Variants in RBM19 observed in about 807,000 individuals in gnomAD.
The protein encoded by RBM19 is probable RNA-binding protein 19.
A neutral mutation model predicts 116.8 loss-of-function variants in RBM19; 94 were observed. That is an observed-to-expected ratio of 0.80 (90% CI 0.68 to 0.95). The LOEUF (loss-of-function observed/expected upper bound fraction) is 0.95, where lower values mean the gene tolerates loss of function less well. RBM19 is among the 40% of genes least tolerant of loss of function. RBM19 has a pLI of 0.00. For missense variants in RBM19, 1,161 were observed against 1,220.7 expected, an observed-to-expected ratio of 0.95 and a Z score of 0.73; for synonymous variants, 475 against 494.1, an observed-to-expected ratio of 0.96 and a Z score of 0.51.
downstream of RBM19, chr12:113,818,027 G>A (rs7976906): frequency 9.4e-3 from 1,426 of 151,752 alleles, 25 homozygotes; most frequent in African/African-American, 0.033. Flanking sequence ...TCAGGAATTC[G>A]AGACCAGCCT....
intron 18 of RBM19, 56 bp downstream of exon 18, chr12:113,924,641 G>A (rs557343893): frequency 1.4e-6 from 2 of 1,446,450 alleles, no homozygotes; most frequent in East Asian, 4.5e-5. Context: ...AGCTTCTTTT[G>A]GAATCCACTC....
At chr12:113,842,395 G>A (rs553885937) in intron 23 of RBM19, among the ~76,000 whole-genome samples, 120 of 152,348 alleles carry the variant, frequency 7.9e-4, no homozygotes, top group African/African-American at 2.8e-3. Context: ...AATGGTTGTC[G>A]ATAAGGACAG....
chr12:113,833,330 C>T (rs1372830298), intron 23 of RBM19, among the ~76,000 whole-genome samples: 4 of 151,970 alleles, frequency 2.6e-5, no homozygotes, highest in African/African-American at 9.6e-5. Flanking sequence ...ACAGCCTCTG[C>T]TCCATGGCCC....
chr12:113,937,646 T>G (rs916794142), intron 15 of RBM19, among the ~76,000 whole-genome samples: 3 of 151,816 alleles, frequency 2.0e-5, no homozygotes, highest in Admixed American at 1.3e-4. Context: ...CACACACCTG[T>G]AGTCCTAGCT....
chr12:113,889,363 G>A (rs1880777124), intron 21 of RBM19, among the ~76,000 whole-genome samples: 1 of 152,170 alleles, frequency 6.6e-6, no homozygotes, highest in Non-Finnish European at 1.5e-5. Flanking sequence ...CACAGGCAAG[G>A]AGAACCCACA....
At chr12:113,842,109 G>T (rs1876538665) in intron 23 of RBM19, among the ~76,000 whole-genome samples, 1 of 152,202 alleles carries the variant, frequency 6.6e-6, no homozygotes, top group Admixed American at 6.5e-5. Context: ...CCCTGTCTGG[G>T]CCTTGGCCTG....
At chr12:113,871,873 GC>G (rs1879232256) in intron 21 of RBM19, among the ~76,000 whole-genome samples, 1 of 152,044 alleles carries the variant, frequency 6.6e-6, no homozygotes, top group South Asian at 2.1e-4. Flanking sequence ...GCCCCGCGGG[GC>G]CGGAGGGCAA....
At chr12:113,899,802 C>A (rs1304302683) in intron 21 of RBM19, among the ~76,000 whole-genome samples, 2 of 152,162 alleles carry the variant, frequency 1.3e-5, no homozygotes, top group African/African-American at 4.8e-5. Flanking sequence ...GGGCTCCCTG[C>A]TGCCTTTCAC....
chr12:113,849,314 C>T (rs867018419), intron 22 of RBM19, among the ~76,000 whole-genome samples: 2 of 152,356 alleles, frequency 1.3e-5, no homozygotes, highest in Middle Eastern at 3.4e-3. Flanking sequence ...AGTCAATGTT[C>T]ACAAAGCACA....
At chr12:113,945,064 C>T (rs1194518476) in intron 13 of RBM19, among the ~76,000 whole-genome samples, 1 of 152,088 alleles carries the variant, frequency 6.6e-6, no homozygotes, top group African/African-American at 2.4e-5. Context: ...CTAGAGTTAA[C>T]ATTGGAGATT....
At chr12:113,856,782 C>T (rs1877938974) in intron 22 of RBM19, among the ~76,000 whole-genome samples, 1 of 152,204 alleles carries the variant, frequency 6.6e-6, no homozygotes, top group Admixed American at 6.5e-5. Context: ...CTCCTCATCA[C>T]AGCCAATAGC....
chr12:113,954,216 G>A (rs1014145604), intron 7 of RBM19, among the ~76,000 whole-genome samples: 2 of 152,074 alleles, frequency 1.3e-5, no homozygotes, highest in Non-Finnish European at 2.9e-5. Flanking sequence ...AGACAAAAAC[G>A]TCCAAGAAGA....
In RBM19 at chr12:113,871,470, A is replaced by T. The variant is rs1306610653; in HGVS notation, c.2559-12574T>A. Among the ~76,000 whole-genome samples, 3 of 119,498 alleles carry T rather than the reference A, an allele frequency of 2.5e-5. No homozygotes were observed. In the East Asian group the frequency reaches 7.6e-4, roughly 30 times the overall value. 78.4% of individuals were successfully genotyped at this position (119,498 alleles called of 152,430 possible). A position where few individuals can be genotyped will look rare whatever the true frequency, so the allele number is the denominator to read the frequency against. On this transcript the variant is annotated intron_variant, in intron 21 of 23. Coordinates refer to ENST00000261741, the MANE Select transcript of RBM19 (RefSeq NM_016196.4). The stretch of plus-strand genomic sequence containing the variant: ...ACACATTTTTTCTATAAAGGGTCAG[A>T]CAGTCAATAATTTTAGCTTTGCGAC...
At chr12:113,835,357 G>T (rs945462715) in intron 23 of RBM19, among the ~76,000 whole-genome samples, 2 of 152,188 alleles carry the variant, frequency 1.3e-5, no homozygotes, top group Non-Finnish European at 2.9e-5. Context: ...AAAGGGCCTT[G>T]TACCCCCGCA....
At chr12:113,865,239 C>T (rs1350869070) in intron 21 of RBM19, among the ~76,000 whole-genome samples, 2 of 152,164 alleles carry the variant, frequency 1.3e-5, no homozygotes, top group Admixed American at 6.5e-5. Context: ...AGGGCCTTTG[C>T]ACTTGCTTTT....
intron 21 of RBM19, among the ~76,000 whole-genome samples, chr12:113,895,949 T>C (rs1881292776): frequency 6.6e-6 from 1 of 151,856 alleles, no homozygotes. Flanking sequence ...CAAATATACA[T>C]GTACATATCT....
intron 23 of RBM19, among the ~76,000 whole-genome samples, chr12:113,839,246 A>G (rs1045994645): frequency 3.9e-5 from 6 of 152,234 alleles, no homozygotes; most frequent in African/African-American, 1.4e-4. Flanking sequence ...TCCATGGGAA[A>G]AGGGCACAGG....
chr12:113,937,319 G>C (rs1384036415), intron 15 of RBM19, 183 bp from the exon 16 acceptor site: 2 of 643,820 alleles, frequency 3.1e-6, no homozygotes, highest in Non-Finnish European at 5.1e-6. Context: ...ACAACATTCG[G>C]CCCCCATGCT....
At chr12:113,947,272 A>T in intron 11 of RBM19, 62 bp downstream of exon 11, 3 of 1,525,252 alleles carry the variant, frequency 2.0e-6, no homozygotes, top group Non-Finnish European at 2.7e-6. Flanking sequence ...ACACACACAC[A>T]CCAGCCTTTC....
Sources: allele counts gnomAD v4.1 joint callset (sites outside exome capture counted in the v4.1 genomes callset), GRCh38; gene constraint gnomAD v4.1.1; transcripts MANE v1.5; gene names NCBI Gene and HGNC (gene_info 2026-07-23, HGNC 2026-07-21).